The following DENND4B variants were observed in gnomAD, a reference collection of about 807,000 sequenced individuals.
DENND4B encodes DENN domain containing 4B, also known as DENN domain-containing protein 4B.
A neutral mutation model predicts 161.0 loss-of-function variants in DENND4B; 67 were observed. The ratio of observed to expected loss-of-function variants is 0.42; its 90% CI spans 0.34 to 0.51. The LOEUF is 0.51. Ranked by LOEUF, DENND4B falls within the 20% of genes least tolerant of loss-of-function variation. The pLI, the probability that DENND4B is intolerant of heterozygous loss-of-function variation, is 0.08. For missense variants in DENND4B, 1,481 were observed against 1,968.0 expected, an observed-to-expected ratio of 0.75 and a Z score of 4.68; for synonymous variants, 753 against 813.8, an observed-to-expected ratio of 0.93 and a Z score of 1.27.
In DENND4B at chr1:153,939,605, G is replaced by C. The variant is rs1679553194; in HGVS notation, c.1803C>G (p.Asn601Lys). Residue 601 changes from asparagine (N) to lysine (K), a missense_variant, in exon 12 of 28, where the codon AAC (asparagine) becomes AAG (lysine). This residue lies in a region of DENND4B where 806 missense variants were observed against 1,134.4 expected (regional missense o/e 0.71). Coordinates refer to ENST00000361217, the MANE Select transcript of DENND4B (RefSeq NM_014856.3). Reference protein sequence around the residue: ...APSEGARDVDNLFFLQGFLKS... With the variant: ...APSEGARDVDKLFFLQGFLKS... ...CCTCTATACCCTGCAGGAAGAAAAG[G>C]TTGTCAACATCACGAGCTCCCTCGG... 6.2e-7 allele frequency: 1 copy of C among 1,610,146 alleles called. No homozygotes were observed. Among genetic ancestry groups the C allele is most frequent in the Non-Finnish European group, 8.5e-7 (1 of 1,177,044 alleles).
Position 153,944,265 on chromosome 1 carries a change from G to T in DENND4B, c.110C>A (p.Pro37His), listed in dbSNP as rs1218648106. The T allele has an allele frequency of 1.2e-6, 2 of 1,601,790 alleles. No homozygotes were observed. The highest frequency in any genetic ancestry group is 4.5e-5 in the East Asian group (2 of 44,386). The change falls in exon 2 of 28, where the codon CCC (proline) becomes CAC (histidine). Residue 37 changes from proline to histidine, a missense_variant. Around this residue, in one of 3 missense-constraint regions of DENND4B, gnomAD observed 806 missense variants for 1,134.4 expected, o/e 0.71. Transcript: ENST00000361217. The surrounding 1 kb of genome is among the most constrained non-coding windows in gnomAD (Gnocchi z 4.8). Reference sequence around the variant, plus strand: ...CTCAGCTGGCCGGGGAGGGCGCAGGGGCCCACTGGGTTCAGGAACCCACGT... The same window carrying T: ...CTCAGCTGGCCGGGGAGGGCGCAGGTGCCCACTGGGTTCAGGAACCCACGT... ...EETWVPEPSG[P>H]LRPPRPAEPI...
chr1:153,933,786 C>A lies in DENND4B; in HGVS notation c.3027G>T (p.Gly1009=). 1 of 1,611,910 alleles carries A rather than the reference C, an allele frequency of 6.2e-7. No individual in the cohort carries two copies. The highest frequency in any genetic ancestry group is 8.5e-7 in the Non-Finnish European group (1 of 1,179,364). ...DGSLSDLSLT[G]EEPLPGGSPG... ...GGCTGCCTCCAGGGAGCGGCTCCTC[C>A]CCTGTCAGGCTCAGGTCTGAGAGAC... The change falls in exon 20 of 28, where the codon GGG becomes GGT. Residue 1009 remains glycine, a synonymous_variant. Coordinates refer to ENST00000361217, the MANE Select transcript of DENND4B (RefSeq NM_014856.3). The surrounding 1 kb of genome is among the most constrained non-coding windows in gnomAD (Gnocchi z 5.7).
chr1:153,943,267 C>A, intron 2 of DENND4B, 137 bp from the exon 3 acceptor site: 3 of 1,248,210 alleles, frequency 2.4e-6, no homozygotes, highest in Non-Finnish European at 2.2e-6. Context: ...CTAGGGCCCA[C>A]CTCTTCTTGC....
rs774608891 is a variant in DENND4B at position 153,944,405 on chromosome 1, G to A, written c.-23-8C>T. 2 of 1,573,268 alleles carry A rather than the reference G, an allele frequency of 1.3e-6. No homozygotes were observed. Among genetic ancestry groups the A allele is most frequent in the East Asian group, 2.3e-5 (1 of 43,492 alleles). On this transcript the variant is annotated splice_polypyrimidine_tract_variant and splice_region_variant and intron_variant, in intron 1 of 27. Coordinates refer to ENST00000361217, the MANE Select transcript of DENND4B (RefSeq NM_014856.3). The surrounding 1 kb of genome is among the most constrained non-coding windows in gnomAD (Gnocchi z 4.8). ...CCCCCTCACTCACTGCATCTGGAAT[G>A]GTCAAGTGGGAGAGAGATGAAGCAA...
rs373068402 is a variant in DENND4B, at chr1:153,940,227, C to G, written c.1532G>C (p.Arg511Pro). Residue 511 changes from arginine (R) to proline (P), a missense_variant, in exon 11 of 28, where the codon CGG becomes CCG. This residue lies in a region of DENND4B where 806 missense variants were observed against 1,134.4 expected (regional missense o/e 0.71). Transcript: ENST00000361217. The surrounding 1 kb of genome is among the most constrained non-coding windows in gnomAD (Gnocchi z 5.6). ...CTTGTAGGGTCTGCGGGGCAGGGTC[C>G]GAGGGGAGAGGAGCTTCTTTTCCTC... ...QTEEKKLLSPRTLPRRPYKVL... is the reference protein window; with the variant it reads ...QTEEKKLLSPPTLPRRPYKVL... The G allele has an allele frequency of 6.2e-7, 1 of 1,602,072 alleles. No homozygotes were observed. The highest frequency in any genetic ancestry group is 8.5e-7 in the Non-Finnish European group (1 of 1,175,004).
In DENND4B at chr1:153,942,320, G is replaced by A. The variant is rs766293831; in HGVS notation, c.677C>T (p.Ala226Val). ...LGRYPEEDNEAFPLPESVPVF... is the reference protein window; with the variant it reads ...LGRYPEEDNEVFPLPESVPVF... ...GGGCACTGACTCGGGCAGCGGGAACGCCTCATTGTCCTCCTCCGGGTAGCG... is the reference window on the plus strand; with the variant it reads ...GGGCACTGACTCGGGCAGCGGGAACACCTCATTGTCCTCCTCCGGGTAGCG... The change falls in exon 5 of 28, where the codon GCG (alanine) becomes GTG (valine). Residue 226 changes from alanine to valine, a missense_variant. By Grantham distance (64) the Ala-to-Val change is moderately conservative. This residue lies in a region of DENND4B where 806 missense variants were observed against 1,134.4 expected (regional missense o/e 0.71). Transcript: ENST00000361217. This position sits in a 1 kb window ranked among gnomAD's most constrained non-coding sequence, Gnocchi z 6.9. 2.7e-5 allele frequency: 43 copies of A among 1,613,502 alleles called. No individual in the cohort carries two copies. Among genetic ancestry groups the A allele is most frequent in the South Asian group, 7.7e-5 (7 of 91,056 alleles).
chr1:153,930,607 T>A lies in DENND4B; in HGVS notation c.4281-4A>T. 6.2e-7 allele frequency: 1 copy of A among 1,613,924 alleles called. No homozygotes were observed. Among genetic ancestry groups the A allele is most frequent in the Non-Finnish European group, 8.5e-7 (1 of 1,179,856 alleles). On this transcript the variant is annotated splice_region_variant and splice_polypyrimidine_tract_variant and intron_variant, in intron 26 of 27. Coordinates refer to ENST00000361217, the MANE Select transcript of DENND4B (RefSeq NM_014856.3). This position sits in a 1 kb window ranked among gnomAD's most constrained non-coding sequence, Gnocchi z 4.7. ...TAATATCTCACGGTAGATTCCCCTT[T>A]AGTGGAGGCAGAAGTGTATGAGTGA...
intron 1 of DENND4B, among the ~76,000 whole-genome samples, chr1:153,945,803 T>C (rs1029087097): frequency 9.9e-5 from 15 of 152,226 alleles, no homozygotes; most frequent in Non-Finnish European, 5.9e-5. Flanking sequence ...CCGCAGGACC[T>C]GCGCACCGGG....
chr1:153,934,191 C>T lies in DENND4B; in HGVS notation c.2885G>A (p.Gly962Asp). 1.2e-6 allele frequency: 2 copies of T among 1,605,060 alleles called. No individual in the cohort carries two copies. Among genetic ancestry groups the T allele is most frequent in the Non-Finnish European group, 1.7e-6 (2 of 1,177,010 alleles). Residue 962 changes from glycine to aspartate, a missense_variant, in exon 19 of 28, where the codon GGT becomes GAT. Gly to Asp is a moderately conservative substitution (Grantham distance 94). Around this residue, in one of 3 missense-constraint regions of DENND4B, gnomAD observed 339 missense variants for 330.3 expected, o/e 1.03. Coordinates refer to ENST00000361217, the MANE Select transcript of DENND4B (RefSeq NM_014856.3). This position sits in a 1 kb window ranked among gnomAD's most constrained non-coding sequence, Gnocchi z 5.3. ...TGCCCCTCGGGCACTGCCCAGGCTACCACTCTTCACCAGGCGTCCAGGGGG... is the reference window on the plus strand; with the variant it reads ...TGCCCCTCGGGCACTGCCCAGGCTATCACTCTTCACCAGGCGTCCAGGGGG... ...ASPPGRLVKS[G>D]SLGSARGAQP...
At position 153,933,927 on chromosome 1, in the gene DENND4B, C is replaced by G; in HGVS notation, c.2942-56G>C. On this transcript the variant is annotated intron_variant, in intron 19 of 27. Transcript: ENST00000361217. This position sits in a 1 kb window ranked among gnomAD's most constrained non-coding sequence, Gnocchi z 5.7. ...GACCCCAGCCTCTGCACCAACTTCC[C>G]CTTTCCTGAATAAACACAATTCCTG... is the stretch of plus-strand genomic sequence containing the variant. The G allele has an allele frequency of 6.3e-7, 1 of 1,579,546 alleles. No homozygotes were observed. Among genetic ancestry groups the G allele is most frequent in the Non-Finnish European group, 8.5e-7 (1 of 1,170,516 alleles).
chr1:153,945,138 C>G (rs1273351877), intron 1 of DENND4B: 1 of 1,289,468 alleles, frequency 7.8e-7, no homozygotes, highest in East Asian at 5.5e-5. Flanking sequence ...TTCTCACCTG[C>G]CTCCATGGCC....
chr1:153,946,297 C>T lies in DENND4B; in HGVS notation c.-24+4G>A. The T allele has an allele frequency of 2.8e-6, 1 of 354,222 alleles. No individual in the cohort carries two copies. Among genetic ancestry groups the T allele is most frequent in the Non-Finnish European group, 5.1e-6 (1 of 197,254 alleles). 21.9% of individuals were successfully genotyped at this position (354,222 alleles called of 1,614,324 possible). ...CCGCCCAGCCCGGTCCAGCCCCTACCTGCCTGTCCCGCGCTTCCCGGCCGG... is the reference window on the plus strand; with the variant it reads ...CCGCCCAGCCCGGTCCAGCCCCTACTTGCCTGTCCCGCGCTTCCCGGCCGG... On this transcript the variant is annotated splice_donor_region_variant and intron_variant, in intron 1 of 27. Coordinates refer to ENST00000361217, the MANE Select transcript of DENND4B (RefSeq NM_014856.3). The surrounding 1 kb of genome is among the most constrained non-coding windows in gnomAD (Gnocchi z 6.3).
At chr1:153,945,198 A>G in intron 1 of DENND4B, 4 of 1,288,038 alleles carry the variant, frequency 3.1e-6, no homozygotes, top group African/African-American at 3.0e-5. Flanking sequence ...CCCAGGGTGC[A>G]GAAGCTGGGA....
At chr1:153,943,164 G>C in intron 2 of DENND4B, 34 bp from the exon 3 acceptor site, 1 of 1,589,634 alleles carries the variant, frequency 6.3e-7, no homozygotes, top group Non-Finnish European at 8.6e-7. Flanking sequence ...ATGTTGAGAG[G>C]TCAGGGTAGA....
chr1:153,933,614 G>T lies in DENND4B; in HGVS notation c.3199C>A (p.Pro1067Thr). ...CGGGAGGCAGGGGAGTGGCGGGAAG[G>T]AGTGAGCAGCTGTTGGAGGCGGGCA... ...LGARLQQLLT[P>T]SRHSPASRIP... Residue 1067 changes from proline (P) to threonine (T), a missense_variant, in exon 20 of 28, where the codon CCT becomes ACT. Pro to Thr is a conservative substitution (Grantham distance 38, BLOSUM62 -1). Around this residue, in one of 3 missense-constraint regions of DENND4B, gnomAD observed 339 missense variants for 330.3 expected, o/e 1.03. Coordinates refer to ENST00000361217, the MANE Select transcript of DENND4B (RefSeq NM_014856.3). The surrounding 1 kb of genome is among the most constrained non-coding windows in gnomAD (Gnocchi z 5.7). The T allele has an allele frequency of 6.4e-7, 1 of 1,558,154 alleles. No homozygotes were observed. The highest frequency in any genetic ancestry group is 8.7e-7 in the Non-Finnish European group (1 of 1,155,502).
chr1:153,937,857 G>A lies in DENND4B; in HGVS notation c.1972C>T (p.Pro658Ser). Residue 658 changes from proline to serine, a missense_variant, in exon 14 of 28, where the codon CCA becomes TCA. Physicochemically the swap from Pro to Ser is moderately conservative, Grantham distance 74. Transcript: ENST00000361217. This position sits in a 1 kb window ranked among gnomAD's most constrained non-coding sequence, Gnocchi z 4.7. ...GTCGGCTCAGGCTTCTCCTGCTCTG[G>A]GTGGACCTGGAGAAGGATTTTAAGA... ...FFDSCVEKVH[P>S]EQEKPEPTPL... 1 of 1,614,018 alleles carries A rather than the reference G, an allele frequency of 6.2e-7. No homozygotes were observed. Among genetic ancestry groups the A allele is most frequent in the Middle Eastern group, 1.6e-4 (1 of 6,062 alleles).
chr1:153,942,149 G>T lies in DENND4B; in HGVS notation c.811-36C>A. 6.2e-7 allele frequency: 1 copy of T among 1,613,926 alleles called. No homozygotes were observed. Among genetic ancestry groups the T allele is most frequent in the South Asian group, 1.1e-5 (1 of 91,080 alleles). The stretch of plus-strand genomic sequence containing the variant: ...GCAGAAGGGTAGTCAGGCAGGCCCT[G>T]CATAGCCTGGACCCCTTGCCACACT... On this transcript the variant is annotated intron_variant, in intron 5 of 27. Coordinates refer to ENST00000361217, the MANE Select transcript of DENND4B (RefSeq NM_014856.3). The surrounding 1 kb of genome is among the most constrained non-coding windows in gnomAD (Gnocchi z 6.9).
In DENND4B at chr1:153,934,902, G is replaced by C. The variant is rs1017133847; in HGVS notation, c.2631C>G (p.Leu877=). The change falls in exon 18 of 28, where the codon CTC becomes CTG. Residue 877 remains leucine (L), a synonymous_variant. Transcript: ENST00000361217. The surrounding 1 kb of genome is among the most constrained non-coding windows in gnomAD (Gnocchi z 5.3). ...TPGGRLRWAK[L]RNVVLGAAQF... ...GAGCAGCCCCCAGGACAACATTCCG[G>C]AGCTTGGCCCAGCGCAGACGCCCAC... The C allele has an allele frequency of 6.2e-7, 1 of 1,613,572 alleles. No individual in the cohort carries two copies. Among genetic ancestry groups the C allele is most frequent in the South Asian group, 1.1e-5 (1 of 91,086 alleles).
Position 153,942,409 on chromosome 1 carries a change from T to C in DENND4B, c.641-53A>G. ...CCAAAAGGAGCAGGGTCCATCAGAC[T>C]CCAAGGGAAATGAACCAAGGGATCC... On this transcript the variant is annotated intron_variant, in intron 4 of 27. Coordinates refer to ENST00000361217, the MANE Select transcript of DENND4B (RefSeq NM_014856.3). The surrounding 1 kb of genome is among the most constrained non-coding windows in gnomAD (Gnocchi z 6.9). 2.5e-6 allele frequency: 4 copies of C among 1,592,972 alleles called. No homozygotes were observed. The highest frequency in any genetic ancestry group is 3.4e-6 in the Non-Finnish European group (4 of 1,169,726).
Sources: gnomAD v4.1 joint callset for allele counts (sites outside exome capture counted in the v4.1 genomes callset) on GRCh38, gnomAD v4.1.1 for gene constraint, gnomAD v4.1.1 regional missense constraint, Gnocchi (gnomAD v3.1) non-coding constraint, MANE v1.5 for transcripts, NCBI Gene and HGNC (gene_info 2026-07-23, HGNC 2026-07-21) for gene names.